Variants in CCDC171 observed in about 807,000 individuals in gnomAD.
CCDC171 encodes coiled-coil domain containing 171.
CCDC171 carries 177 observed loss-of-function variants against 168.2 expected under a neutral mutation model. That is an observed-to-expected ratio of 1.05 (90% confidence interval 0.93 to 1.19). CCDC171 has a LOEUF of 1.19. Ranked by LOEUF, CCDC171 falls within the 50% of genes most tolerant of loss-of-function variation. The pLI, the probability that CCDC171 is intolerant of heterozygous loss-of-function variation, is 0.00. For missense variants in CCDC171, 1,991 were observed against 1,539.0 expected (o/e 1.29, Z -4.91); for synonymous variants, 687 against 540.8 (o/e 1.27, Z -3.75).
intron 11 of CCDC171, among the ~76,000 whole-genome samples, chr9:15,697,838 A>G (rs761695041): frequency 1.2e-4 from 18 of 152,130 alleles, no homozygotes; most frequent in African/African-American, 2.4e-4. Context: ...AGCTGTGGCA[A>G]TTTCTTTTTT....
chr9:16,077,594 A>G, the CCDC171 span, among the ~76,000 whole-genome samples: 1 of 152,210 alleles, frequency 6.6e-6, no homozygotes, highest in East Asian at 1.9e-4. Flanking sequence ...GACGAGAGAC[A>G]TGTGGAGGAG....
At chr9:15,655,021 G>A (rs151110638) in intron 7 of CCDC171, among the ~76,000 whole-genome samples, 5 of 152,092 alleles carry the variant, frequency 3.3e-5, no homozygotes, top group Non-Finnish European at 5.9e-5. Context: ...ATCACACACC[G>A]GAGCCTGTTG....
At chr9:15,650,068 C>A (rs2047385160) in intron 7 of CCDC171, among the ~76,000 whole-genome samples, 1 of 152,080 alleles carries the variant, frequency 6.6e-6, no homozygotes, top group South Asian at 2.1e-4. Context: ...ACTATGCAGC[C>A]ATAAAAAAGG....
intron 6 of CCDC171, among the ~76,000 whole-genome samples, chr9:15,610,622 C>T (rs1463383552): frequency 6.6e-6 from 1 of 151,056 alleles, no homozygotes; most frequent in South Asian, 2.1e-4. Flanking sequence ...GAGTGAAACT[C>T]TGTCTAAAAA....
intron 21 of CCDC171, among the ~76,000 whole-genome samples, chr9:15,826,694 G>C (rs981268675): frequency 1.3e-5 from 2 of 152,164 alleles, no homozygotes; most frequent in African/African-American, 4.8e-5. Flanking sequence ...AGCATCAAAT[G>C]CCAGACCTGT....
In CCDC171 at chr9:15,744,494, G is replaced by C; in HGVS notation, c.2271G>C (p.Glu757Asp). The C allele has an allele frequency of 6.2e-7, 1 of 1,614,202 alleles. No homozygotes were observed. The highest frequency in any genetic ancestry group is 8.5e-7 in the Non-Finnish European group (1 of 1,180,028). ...CTACACAGAGAGATTTTCTCCAGGA[G>C]CAGGTCAACACCTTTGAGTTGTTCA... ...ALSTQRDFLQ[E>D]QVNTFELFKL... Residue 757 changes from glutamate to aspartate, a missense_variant, in exon 17 of 26, where the codon GAG (glutamate) becomes GAC (aspartate). Glu to Asp is a conservative substitution (Grantham distance 45, BLOSUM62 2). Coordinates refer to ENST00000380701, the MANE Select transcript of CCDC171 (RefSeq NM_173550.4).
chr9:15,922,483 C>T (rs1825456541), intron 25 of CCDC171, among the ~76,000 whole-genome samples: 1 of 151,526 alleles, frequency 6.6e-6, no homozygotes, highest in African/African-American at 2.4e-5. Flanking sequence ...ATTAGGAATA[C>T]TATCAGGTGT....
intron 4 of CCDC171, among the ~76,000 whole-genome samples, chr9:15,582,461 C>T (rs927643238): frequency 1.3e-5 from 2 of 152,166 alleles, no homozygotes; most frequent in African/African-American, 4.8e-5. Context: ...AATCATGCTG[C>T]TATAAAGACA....
intron 25 of CCDC171, among the ~76,000 whole-genome samples, chr9:15,964,434 A>G (rs373329381): frequency 4.6e-4 from 59 of 127,356 alleles, no homozygotes; most frequent in African/African-American, 1.9e-3. Flanking sequence ...TATATTTTCA[A>G]TTCTCTCGAA....
At chr9:15,966,899 A>G (rs201725065) in intron 25 of CCDC171, among the ~76,000 whole-genome samples, 74,888 of 149,928 alleles carry the variant, frequency 0.5, 19,901 homozygotes, top group African/African-American at 0.71. Context: ...GTGTGTGTAT[A>G]TATATATATA....
chr9:15,892,711 A>G (rs531830957), intron 24 of CCDC171, among the ~76,000 whole-genome samples: 1 of 152,266 alleles, frequency 6.6e-6, no homozygotes, highest in African/African-American at 2.4e-5. Flanking sequence ...AACAAAACCT[A>G]GGAATACAGC....
chr9:15,626,760 T>C (rs144067214), intron 7 of CCDC171, among the ~76,000 whole-genome samples: 1 of 152,328 alleles, frequency 6.6e-6, no homozygotes, highest in East Asian at 1.9e-4. Context: ...ATCAGGGATA[T>C]TGGTCTAAAA....
At chr9:15,961,989 T>C (rs918807463) in intron 25 of CCDC171, among the ~76,000 whole-genome samples, 3 of 152,100 alleles carry the variant, frequency 2.0e-5, no homozygotes, top group Non-Finnish European at 4.4e-5. Flanking sequence ...CTAAGAATGG[T>C]TTTAATATTT....
intron 25 of CCDC171, among the ~76,000 whole-genome samples, chr9:15,954,037 A>G (rs183923533): frequency 6.6e-5 from 10 of 151,354 alleles, no homozygotes; most frequent in African/African-American, 1.9e-4. Context: ...TTCTCTTTTG[A>G]TATTAGTAAT....
chr9:15,635,143 C>G (rs954509169), intron 7 of CCDC171, among the ~76,000 whole-genome samples: 3 of 152,098 alleles, frequency 2.0e-5, no homozygotes, highest in Admixed American at 6.6e-5. Context: ...AATTGACTTA[C>G]ACTATCACAA....
chr9:15,710,412 C>T (rs867415837), intron 11 of CCDC171, among the ~76,000 whole-genome samples: 1 of 152,050 alleles, frequency 6.6e-6, no homozygotes, highest in Non-Finnish European at 1.5e-5. Context: ...ATGCCACTCT[C>T]CTGCCTCAGC....
At chr9:15,851,016 C>T (rs1336521034) in intron 23 of CCDC171, among the ~76,000 whole-genome samples, 1 of 151,958 alleles carries the variant, frequency 6.6e-6, no homozygotes, top group Non-Finnish European at 1.5e-5. Context: ...GTCTTACCCG[C>T]TGAGTTGAAT....
chr9:15,975,853 A>T (rs967664997), downstream of CCDC171, among the ~76,000 whole-genome samples: 1 of 152,134 alleles, frequency 6.6e-6, no homozygotes, highest in Non-Finnish European at 1.5e-5. Context: ...CGGCAAAGGG[A>T]CTTTGCAGGG....
intron 21 of CCDC171, among the ~76,000 whole-genome samples, chr9:15,827,926 C>G (rs888550812): frequency 6.6e-6 from 1 of 152,258 alleles, no homozygotes; most frequent in Non-Finnish European, 1.5e-5. Flanking sequence ...AAGGATTCAT[C>G]TTGTTATTTC....
Sources: gnomAD v4.1 joint callset for allele counts (sites outside exome capture counted in the v4.1 genomes callset) on GRCh38, gnomAD v4.1.1 for gene constraint, MANE v1.5 for transcripts, NCBI Gene and HGNC (gene_info 2026-07-23, HGNC 2026-07-21) for gene names.